Variants in RAB11FIP4 observed in about 807,000 individuals in gnomAD.
RAB11FIP4 encodes RAB11 family interacting protein 4.
A neutral mutation model predicts 74.3 loss-of-function variants in RAB11FIP4; 23 were observed. The observed-to-expected ratio is 0.31, with a 90% CI of 0.22 to 0.44. The LOEUF (loss-of-function observed/expected upper bound fraction) is 0.44. Among genes scored for constraint, RAB11FIP4 ranks in the 20% least tolerant of loss-of-function variants. The pLI, the probability that RAB11FIP4 is intolerant of heterozygous loss-of-function variation, is 1.00. For synonymous variants in RAB11FIP4, 360 were observed against 359.9 expected, an observed-to-expected ratio of 1.00 and a Z score of 0.00; for missense variants, 630 against 863.9, an observed-to-expected ratio of 0.73 and a Z score of 3.39.
intron 3 of RAB11FIP4, among the ~76,000 whole-genome samples, chr17:31,453,355 CAAAAA>C (rs747844559): frequency 8.4e-5 from 6 of 71,816 alleles, no homozygotes; most frequent in African/African-American, 1.2e-4. Context: ...GACCCTACCT[CAAAAA>C]AAAAAAAAAA....
chr17:31,488,439 G>A, intron 3 of RAB11FIP4: 2 of 743,326 alleles, frequency 2.7e-6, no homozygotes, highest in Non-Finnish European at 3.4e-6. Flanking sequence ...CCAGGTGCGC[G>A]GGTGGCGGCT....
chr17:31,520,598 C>G (rs968126957), intron 4 of RAB11FIP4, among the ~76,000 whole-genome samples: 2 of 152,116 alleles, frequency 1.3e-5, no homozygotes, highest in Admixed American at 1.3e-4. Context: ...AGCTCCACCT[C>G]CCGGGTTCAC....
rs1021566114 is a variant in RAB11FIP4, at chr17:31,425,309, C to T, written c.160-6504C>T. On this transcript the variant is annotated intron_variant, in intron 1 of 14. Coordinates refer to ENST00000621161, the MANE Select transcript of RAB11FIP4 (RefSeq NM_032932.6). ...TTTGATTCCCGTGAGTAATGGCTGA[C>T]GTTTATTAGGCACCTTGCCTTGCAG... 3.3e-5 allele frequency among the ~76,000 whole-genome samples: 5 copies of T among 152,270 alleles called. No homozygotes were observed. In the South Asian group the frequency reaches 6.2e-4, roughly 19 times the overall value.
At position 31,402,234 on chromosome 17, in the gene RAB11FIP4, C is replaced by CATCCATCA. The variant is rs1233472730; in HGVS notation, c.159+10224_159+10225insTCCATCAA. 6.6e-5 allele frequency among the ~76,000 whole-genome samples: 10 copies of CATCCATCA among 151,642 alleles called. 1 individual carries two copies. Among genetic ancestry groups the CATCCATCA allele is most frequent in the African/African-American group, 2.4e-4 (10 of 41,236 alleles). On this transcript the variant is annotated intron_variant, in intron 1 of 14. Transcript: ENST00000621161. ...CCATCCATCCATCCATCCATCCACC[C>CATCCATCA]ACCATCTACCACTTCCTGAGTATCA... is the stretch of plus-strand genomic sequence containing the variant.
Position 31,520,311 on chromosome 17 carries a change from C to T in RAB11FIP4, c.564-855C>T, listed in dbSNP as rs115350311. Among the ~76,000 whole-genome samples the T allele has an allele frequency of 9.5e-3, 1,448 of 152,196 alleles. 18 individuals carry two copies. Among genetic ancestry groups the T allele is most frequent in the African/African-American group, 0.033 (1,371 of 41,528 alleles). On this transcript the variant is annotated intron_variant, in intron 4 of 14. Coordinates refer to ENST00000621161, the MANE Select transcript of RAB11FIP4 (RefSeq NM_032932.6). ...CCACAGGGGGTCCTGGAACAAATCT[C>T]TCTTGGATGCCAAGGGATGACCATA... is the stretch of plus-strand genomic sequence containing the variant.
intron 3 of RAB11FIP4, among the ~76,000 whole-genome samples, chr17:31,503,402 T>G (rs1346852989): frequency 1.3e-5 from 2 of 149,566 alleles, no homozygotes. Flanking sequence ...GATTAGGACT[T>G]CAATATATGA....
intron 3 of RAB11FIP4, among the ~76,000 whole-genome samples, chr17:31,475,838 C>T (rs1024734807): frequency 2.0e-5 from 3 of 150,800 alleles, no homozygotes; most frequent in Non-Finnish European, 4.4e-5. Context: ...TTGAAATGGC[C>T]CCCAAAGGCT....
At chr17:31,393,109 C>T (rs1324545161) in intron 1 of RAB11FIP4, among the ~76,000 whole-genome samples, 1 of 152,220 alleles carries the variant, frequency 6.6e-6, no homozygotes, top group Non-Finnish European at 1.5e-5. Flanking sequence ...CGCACCTGGG[C>T]ATGGGCCGGG....
chr17:31,505,515 A>AATTATATATTATATATAATT (rs2072312443), intron 3 of RAB11FIP4, among the ~76,000 whole-genome samples: 4 of 74,220 alleles, frequency 5.4e-5, no homozygotes, highest in South Asian at 2.8e-4. Context: ...TATATATAAT[A>AATTATATATTATATATAATT]ATTATATATT....
chr17:31,421,629 T>C (rs1216136704), intron 1 of RAB11FIP4, among the ~76,000 whole-genome samples: 1 of 150,392 alleles, frequency 6.6e-6, no homozygotes, highest in Non-Finnish European at 1.5e-5. Flanking sequence ...CAATCTCGGC[T>C]CACTGCAAAC....
chr17:31,488,450 C>T, intron 3 of RAB11FIP4: 1 of 643,810 alleles, frequency 1.6e-6, no homozygotes, highest in Non-Finnish European at 2.0e-6. Context: ...GGTGGCGGCT[C>T]CTTCCCCAGC....
intron 3 of RAB11FIP4, among the ~76,000 whole-genome samples, chr17:31,463,918 T>G (rs1027577872): frequency 1.4e-5 from 2 of 141,870 alleles, no homozygotes; most frequent in Non-Finnish European, 3.0e-5. Context: ...GTTCAAGCTA[T>G]TCTCATGCCT....
chr17:31,458,326 C>T (rs2071600222), intron 3 of RAB11FIP4, among the ~76,000 whole-genome samples: 1 of 152,332 alleles, frequency 6.6e-6, no homozygotes, highest in African/African-American at 2.4e-5. Flanking sequence ...GCATCAGGAG[C>T]ATCTGCAGTG....
chr17:31,523,999 C>T lies in RAB11FIP4; in HGVS notation c.1133+3C>T, dbSNP rs1212617588. ...GAGAACACACAGCTGGTGCACAGGT[C>T]AAGCAGGCAGCGGCGCTGGGGGCTC... On this transcript the variant is annotated splice_donor_region_variant and intron_variant, in intron 9 of 14. Coordinates refer to ENST00000621161, the MANE Select transcript of RAB11FIP4 (RefSeq NM_032932.6). 27 of 1,606,768 alleles carry T rather than the reference C, an allele frequency of 1.7e-5. No homozygotes were observed. The highest frequency in any genetic ancestry group is 2.2e-5 in the Non-Finnish European group (26 of 1,176,102).
rs1435060732 is a variant in RAB11FIP4 at position 31,391,962 on chromosome 17, G to T, written c.110G>T (p.Arg37Leu). 6 of 1,374,424 alleles carry T rather than the reference G, an allele frequency of 4.4e-6. No individual in the cohort carries two copies. Among genetic ancestry groups the T allele is most frequent in the African/African-American group, 1.5e-5 (1 of 66,510 alleles). The allele number at this position is 1,374,424 out of a possible 1,614,324, so 85.1% of individuals were successfully genotyped here. The part of the protein sequence containing the change: ...VCGRDPDGFL[R>L]VERVAALGLR... ...GGCCGCGACCCCGACGGCTTCCTGC[G>T]CGTGGAGCGCGTCGCGGCGCTCGGA... The change falls in exon 1 of 15, where the codon CGC (arginine) becomes CTC (leucine). Residue 37 changes from arginine to leucine, a missense_variant. Arg to Leu is a moderately radical substitution (Grantham distance 102). Transcript: ENST00000621161.
chr17:31,527,593 CA>C (rs1235347976), intron 10 of RAB11FIP4: 5,012 of 398,014 alleles, frequency 0.013, no homozygotes, highest in South Asian at 0.019. Flanking sequence ...GACTCTGTCT[CA>C]AAAAAAAAAG....
At chr17:31,524,781 GAA>G in intron 9 of RAB11FIP4, 1 of 438,630 alleles carries the variant, frequency 2.3e-6, no homozygotes, top group Non-Finnish European at 4.1e-6. Flanking sequence ...AGCACAAAAA[GAA>G]GAGGTGAGGC....
chr17:31,453,384 A>AAAAAAG (rs1487030849), intron 3 of RAB11FIP4, among the ~76,000 whole-genome samples: 2 of 142,486 alleles, frequency 1.4e-5, no homozygotes, highest in African/African-American at 5.3e-5. Flanking sequence ...AAAAAAACAA[A>AAAAAAG]CCTGGGGAGA....
Position 31,472,052 on chromosome 17 carries a change from C to T in RAB11FIP4, c.336+37930C>T, listed in dbSNP as rs1341125388. Among the ~76,000 whole-genome samples, 6 of 151,970 alleles carry T rather than the reference C, an allele frequency of 3.9e-5. No homozygotes were observed. The East Asian group carries it at 1.2e-3, about 29-fold the overall frequency. On this transcript the variant is annotated intron_variant, in intron 3 of 14. Transcript: ENST00000621161. The stretch of plus-strand genomic sequence containing the variant: ...TGGCGAGTGCCTGTAATCCCAGCTA[C>T]TCGGAAGGCTGAGGCAGGAGAATAG...
Sources: allele counts gnomAD v4.1 joint callset (sites outside exome capture counted in the v4.1 genomes callset), GRCh38; gene constraint gnomAD v4.1.1; transcripts MANE v1.5; gene names NCBI Gene and HGNC (gene_info 2026-07-23, HGNC 2026-07-21).